ZNF318: variants seen among roughly 807,000 people sequenced by gnomAD.
ZNF318 encodes endocrine regulator.
Under a neutral mutation model 124.2 loss-of-function variants are expected in ZNF318, and 51 were observed. That is an observed-to-expected ratio of 0.41 (90% CI 0.33 to 0.52). The LOEUF (loss-of-function observed/expected upper bound fraction) is 0.52, where lower values mean the gene tolerates loss of function less well. Among genes scored for constraint, ZNF318 ranks in the 20% least tolerant of loss-of-function variants. The pLI, the probability that ZNF318 is intolerant of heterozygous loss-of-function variation, is 0.23. For missense variants in ZNF318, 2,815 were observed against 2,811.2 expected, an observed-to-expected ratio of 1.00 and a Z score of -0.03; for synonymous variants, 1,090 against 1,040.7, an observed-to-expected ratio of 1.05 and a Z score of -0.91.
chr6:43,339,239 G>A lies in ZNF318; in HGVS notation c.4759C>T (p.Pro1587Ser). The A allele has an allele frequency of 1.2e-6, 2 of 1,610,552 alleles. No individual in the cohort carries two copies. Among genetic ancestry groups the A allele is most frequent in the Non-Finnish European group, 1.7e-6 (2 of 1,178,084 alleles). Residue 1587 changes from proline (P) to serine (S), a missense_variant, in exon 10 of 10, where the codon CCT (proline) becomes TCT (serine). Transcript: ENST00000361428. The surrounding 1 kb of genome is among the most constrained non-coding windows in gnomAD (Gnocchi z 4.2). ...GKGAPETKGA[P>S]ETKLSGGPLA... ...GGACCACCACTTAGCTTAGTCTCAG[G>A]GGCCCCCTTAGTCTCAGGGGCCCCC...
At chr6:43,342,900 C>T (rs767472560) in intron 6 of ZNF318, 21 bp from the exon 7 acceptor site, 185 of 1,592,702 alleles carry the variant, frequency 1.2e-4, no homozygotes, top group Non-Finnish European at 1.5e-4. Context: ...AAAATCTGTA[C>T]TTACAAGGAA....
intron 4 of ZNF318, among the ~76,000 whole-genome samples, chr6:43,354,290 G>C (rs1164715307): frequency 1.3e-5 from 2 of 152,062 alleles, no homozygotes; most frequent in Admixed American, 1.3e-4. Context: ...AATTCACTGG[G>C]ATCAAACAGG....
intron 6 of ZNF318, among the ~76,000 whole-genome samples, chr6:43,345,095 T>C (rs1779422379): frequency 6.6e-6 from 1 of 151,624 alleles, no homozygotes; most frequent in Non-Finnish European, 1.5e-5. Flanking sequence ...AATACAAAAA[T>C]TAGCCAAGTG....
chr6:43,348,015 A>G (rs899180677), intron 6 of ZNF318, among the ~76,000 whole-genome samples: 1 of 152,190 alleles, frequency 6.6e-6, no homozygotes, highest in Non-Finnish European at 1.5e-5. Context: ...ATAGTTGCTA[A>G]ATATGAACCC....
Position 43,337,019 on chromosome 6 carries a change from C to T in ZNF318, c.*139G>A, listed in dbSNP as rs1254661124. ...GAAAGGAGGTAAATTTTTTAGCTTC[C>T]ATGAACATTTACTTTAAGATGCTGA... is the stretch of plus-strand genomic sequence containing the variant. On this transcript the variant is annotated 3_prime_UTR_variant, in exon 10 of 10. Coordinates refer to ENST00000361428, the MANE Select transcript of ZNF318 (RefSeq NM_014345.3). 2 of 776,448 alleles carry T rather than the reference C, an allele frequency of 2.6e-6. No homozygotes were observed. Among genetic ancestry groups the T allele is most frequent in the African/African-American group, 1.8e-5 (1 of 56,208 alleles). The allele number at this position is 776,448 out of a possible 1,614,324, so 48.1% of individuals were successfully genotyped here. A position where few individuals can be genotyped will look rare whatever the true frequency, so the allele number is the denominator to read the frequency against.
chr6:43,357,292 C>A lies in ZNF318; in HGVS notation c.1022G>T (p.Gly341Val). The stretch of plus-strand genomic sequence containing the variant: ...ACAGCCAGTACCACCACCATCAACT[C>A]CAACCAGCTCCTGACTCAAGCTCCT... The part of the protein sequence containing the change: ...RSRSLSQELV[G>V]VDGGGTGCSI... The change falls in exon 3 of 10, where the codon GGA (glycine) becomes GTA (valine). Residue 341 changes from glycine (G) to valine (V), a missense_variant. Around this residue, in one of 4 missense-constraint regions of ZNF318, gnomAD observed 1,377 missense variants for 1,353.5 expected, o/e 1.02. Transcript: ENST00000361428. 1 of 1,614,228 alleles carries A rather than the reference C, an allele frequency of 6.2e-7. No homozygotes were observed. The highest frequency in any genetic ancestry group is 8.5e-7 in the Non-Finnish European group (1 of 1,180,044).
chr6:43,365,535 G>GA, intron 1 of ZNF318, 95 bp from the exon 2 acceptor site: 11 of 1,325,642 alleles, frequency 8.3e-6, no homozygotes, highest in African/African-American at 1.5e-5. Context: ...AGCCAGGCAT[G>GA]GTGGCTCATG....
At chr6:43,341,627 GCAA>G (rs1360706022) in intron 8 of ZNF318, among the ~76,000 whole-genome samples, 1 of 149,962 alleles carries the variant, frequency 6.7e-6, no homozygotes, top group Non-Finnish European at 1.5e-5. Flanking sequence ...TCCAGCCTGG[GCAA>G]CAGAGAGAGA....
At chr6:43,363,200 G>A (rs1171721117) in intron 2 of ZNF318, among the ~76,000 whole-genome samples, 1 of 152,118 alleles carries the variant, frequency 6.6e-6, no homozygotes, top group Non-Finnish European at 1.5e-5. Context: ...GACATCCTAG[G>A]CCTAAGAAGA....
chr6:43,336,392 C>G lies in ZNF318; in HGVS notation c.*766G>C, dbSNP rs1025900071. On this transcript the variant is annotated 3_prime_UTR_variant, in exon 10 of 10. Transcript: ENST00000361428. ...GCCATTTCAAAAATAAAAGTGATCT[C>G]AAAAGCATATCTGCTCCTGGCAATG... 1 of 152,424 alleles carries G rather than the reference C, an allele frequency of 6.6e-6. No individual in the cohort carries two copies. Among genetic ancestry groups the G allele is most frequent in the African/African-American group, 2.4e-5 (1 of 41,452 alleles). The allele number at this position is 152,424 out of a possible 1,614,324, so 9.4% of individuals were successfully genotyped here.
chr6:43,359,637 A>T (rs9369407), intron 2 of ZNF318, among the ~76,000 whole-genome samples: 70,476 of 152,014 alleles, frequency 0.46, 19,359 homozygotes, highest in East Asian at 0.66. Context: ...TAGTTTTTTT[A>T]GTAGTTGCTT....
intron 5 of ZNF318, 43 bp from the exon 6 acceptor site, chr6:43,348,668 A>C (rs754178279): frequency 6.4e-5 from 101 of 1,589,184 alleles, no homozygotes; most frequent in Non-Finnish European, 8.6e-5. Flanking sequence ...AGGGAAAATA[A>C]GACGAGTCAT....
rs1219382265 is a variant in ZNF318, at chr6:43,357,627, A to G, written c.687T>C (p.Thr229=). Residue 229 remains threonine, a synonymous_variant, in exon 3 of 10, where the codon ACT becomes ACC. Coordinates refer to ENST00000361428, the MANE Select transcript of ZNF318 (RefSeq NM_014345.3). ...QLDEDYRTKE[T]FLHRSDYSPH... ...GACTATAATCAGATCGATGCAGGAA[A>G]GTTTCTTTTGTTCGGTAGTCCTCAT... 5 of 1,614,012 alleles carry G rather than the reference A, an allele frequency of 3.1e-6. No individual in the cohort carries two copies. Among genetic ancestry groups the G allele is most frequent in the Non-Finnish European group, 4.2e-6 (5 of 1,180,038 alleles).
At chr6:43,349,641 T>A (rs1779499813) in intron 5 of ZNF318, among the ~76,000 whole-genome samples, 1 of 152,218 alleles carries the variant, frequency 6.6e-6, no homozygotes, top group African/African-American at 2.4e-5. Context: ...GAAGCAATTA[T>A]ATCTTCTCCC....
At chr6:43,352,258 A>AGAGTACCTGGGAATTCT in intron 5 of ZNF318, 119 bp downstream of exon 5, 1 of 742,334 alleles carries the variant, frequency 1.3e-6, no homozygotes, top group Non-Finnish European at 2.2e-6. Flanking sequence ...TGTAAGTTTA[A>AGAGTACCTGGGAATTCT]TTACGTCAAA....
chr6:43,356,743 CTACAACTCA>C (rs1779612900), intron 3 of ZNF318, among the ~76,000 whole-genome samples: 1 of 152,076 alleles, frequency 6.6e-6, no homozygotes, highest in African/African-American at 2.4e-5. Flanking sequence ...GTCCAGTGTC[CTACAACTCA>C]TACATCTTGT....
chr6:43,367,335 G>A (rs1779775477), intron 1 of ZNF318, among the ~76,000 whole-genome samples: 1 of 152,174 alleles, frequency 6.6e-6, no homozygotes, highest in African/African-American at 2.4e-5. Flanking sequence ...ATGCAAAGTA[G>A]ATGCTCAATA....
At position 43,354,756 on chromosome 6, in the gene ZNF318, G is replaced by C; in HGVS notation, c.2578C>G (p.Gln860Glu). 6.2e-7 allele frequency: 1 copy of C among 1,614,128 alleles called. No homozygotes were observed. The highest frequency in any genetic ancestry group is 8.5e-7 in the Non-Finnish European group (1 of 1,180,022). ...ESLRGSIPAA[Q>E]VPVQVSIPSL... is the part of the protein sequence containing the mutation. ...GGAATGGACACCTGGACAGGCACTTGGGCCGCAGGAATTGAGCCTCGCAGA... is the reference window on the plus strand; with the variant it reads ...GGAATGGACACCTGGACAGGCACTTCGGCCGCAGGAATTGAGCCTCGCAGA... The change falls in exon 4 of 10, where the codon CAA (glutamine) becomes GAA (glutamate). Residue 860 changes from glutamine (Q) to glutamate (E), a missense_variant. Around this residue, in one of 4 missense-constraint regions of ZNF318, gnomAD observed 1,377 missense variants for 1,353.5 expected, o/e 1.02. Transcript: ENST00000361428.
Position 43,355,039 on chromosome 6 carries a change from C to T in ZNF318, c.2295G>A (p.Arg765=), listed in dbSNP as rs1054852730. The T allele has an allele frequency of 6.2e-7, 1 of 1,613,864 alleles. No homozygotes were observed. Among genetic ancestry groups the T allele is most frequent in the Non-Finnish European group, 8.5e-7 (1 of 1,179,870 alleles). ...TCCGAGCTGCAGCAAACTGAGAGGC[C>T]CTTGGCATGTGAAACTGAGATAAAG... ...TAALSQFHMP[R]ASQFAAARIP... is the part of the protein sequence containing the mutation. The change falls in exon 4 of 10, where the codon AGG becomes AGA. Residue 765 remains arginine, a synonymous_variant. Transcript: ENST00000361428.
Sources: gnomAD v4.1 joint callset for allele counts (sites outside exome capture counted in the v4.1 genomes callset) on GRCh38, gnomAD v4.1.1 for gene constraint, gnomAD v4.1.1 regional missense constraint, Gnocchi (gnomAD v3.1) non-coding constraint, MANE v1.5 for transcripts, NCBI Gene and HGNC (gene_info 2026-07-23, HGNC 2026-07-21) for gene names.